RAD51B: variants seen among roughly 807,000 people sequenced by gnomAD.
RAD51B encodes the protein RAD51 paralog B, also known as DNA repair protein RAD51 homolog 2.
Under a neutral mutation model 42.2 loss-of-function variants are expected in RAD51B, and 38 were observed. That is an observed-to-expected ratio of 0.90 (90% confidence interval 0.70 to 1.18). The LOEUF (loss-of-function observed/expected upper bound fraction) is 1.18. Ranked by LOEUF, RAD51B falls within the 50% of genes most tolerant of loss-of-function variation. The probability of loss-of-function intolerance (pLI) is 0.00; values close to 1 mark genes in which losing one functional copy is unlikely to be tolerated. For synonymous variants in RAD51B, 154 were observed against 145.2 expected, an observed-to-expected ratio of 1.06 and a Z score of -0.43; for missense variants, 373 against 400.7, an observed-to-expected ratio of 0.93 and a Z score of 0.59.
chr14:68,020,701 A>G (rs1165086458), intron 7 of RAD51B, among the ~76,000 whole-genome samples: 1 of 152,170 alleles, frequency 6.6e-6, no homozygotes, highest in Non-Finnish European at 1.5e-5. Context: ...AAGACTGTGA[A>G]TATAGGTAAT....
chr14:68,392,203 C>G (rs746172834), intron 8 of RAD51B, among the ~76,000 whole-genome samples: 2 of 152,208 alleles, frequency 1.3e-5, no homozygotes, highest in Non-Finnish European at 2.9e-5. Flanking sequence ...TGGAAAACCA[C>G]CACTACAGGG....
At chr14:68,479,337 G>A (rs986292152), downstream of RAD51B, among the ~76,000 whole-genome samples, 5 of 152,138 alleles carry the variant, frequency 3.3e-5, no homozygotes, top group Admixed American at 6.5e-5. Context: ...TCCAAAATCC[G>A]GCACGTTGGC....
chr14:68,168,402 A>G (rs937399528), intron 7 of RAD51B, among the ~76,000 whole-genome samples: 2 of 152,134 alleles, frequency 1.3e-5, no homozygotes, highest in Admixed American at 6.6e-5. Context: ...TTTCTCGTTT[A>G]CCAACGATCT....
intron 7 of RAD51B, among the ~76,000 whole-genome samples, chr14:67,970,138 T>C (rs1323177975): frequency 6.6e-6 from 1 of 152,194 alleles, no homozygotes; most frequent in African/African-American, 2.4e-5. Flanking sequence ...AGATTATTTC[T>C]GACCCTTAAC....
chr14:68,041,471 A>AT, intron 7 of RAD51B, among the ~76,000 whole-genome samples: 1 of 151,788 alleles, frequency 6.6e-6, no homozygotes, highest in Admixed American at 6.6e-5. Flanking sequence ...CCTTTTGATT[A>AT]TTTTTTCTCT....
intron 10 of RAD51B, among the ~76,000 whole-genome samples, chr14:68,588,510 C>T (rs1450549019): frequency 1.3e-5 from 2 of 152,172 alleles, no homozygotes. Context: ...ATCCAGAGTG[C>T]CCCCAGAGGG....
At chr14:68,583,088 G>T (rs950321750) in intron 10 of RAD51B, among the ~76,000 whole-genome samples, 2 of 152,142 alleles carry the variant, frequency 1.3e-5, no homozygotes, top group African/African-American at 4.8e-5. Flanking sequence ...ACCATGGCAT[G>T]TGTATACCAG....
intron 8 of RAD51B, among the ~76,000 whole-genome samples, chr14:68,321,481 A>G (rs2139765652): frequency 6.6e-6 from 1 of 152,324 alleles, no homozygotes; most frequent in South Asian, 2.1e-4. Flanking sequence ...TAGACTTGGA[A>G]GAGTTCAAAA....
intron 11 of RAD51B, among the ~76,000 whole-genome samples, chr14:68,682,088 C>T (rs767441907): frequency 1.2e-4 from 19 of 152,170 alleles, no homozygotes; most frequent in Non-Finnish European, 2.2e-4. Context: ...GTGCCTTAAA[C>T]TTATGTCATC....
exon 11 of RAD51B, chr14:68,611,053 G>A (rs1566954655): frequency 1.4e-6 from 1 of 703,192 alleles, no homozygotes; most frequent in Non-Finnish European, 2.6e-6. Flanking sequence ...ATGCTGGTCA[G>A]CAGCAGACTC....
intron 7 of RAD51B, among the ~76,000 whole-genome samples, chr14:68,227,448 A>C (rs900439253): frequency 6.6e-6 from 1 of 152,240 alleles, no homozygotes; most frequent in East Asian, 1.9e-4. Flanking sequence ...GTGAAATGGC[A>C]GTAATACTGA....
chr14:68,428,159 T>G (rs2084899689), intron 9 of RAD51B, among the ~76,000 whole-genome samples: 2 of 152,178 alleles, frequency 1.3e-5, no homozygotes, highest in African/African-American at 4.8e-5. Context: ...TTCTGTTCAT[T>G]ATAAATTACC....
intron 10 of RAD51B, among the ~76,000 whole-genome samples, chr14:68,648,714 CAG>C (rs1555434204): frequency 7.2e-6 from 1 of 139,726 alleles, no homozygotes; most frequent in African/African-American, 2.7e-5. Context: ...CACACACACA[CAG>C]GGAAAAACAA....
intron 11 of RAD51B, among the ~76,000 whole-genome samples, chr14:68,668,115 A>G (rs1893070583): frequency 6.6e-6 from 1 of 152,162 alleles, no homozygotes; most frequent in Admixed American, 6.5e-5. Context: ...GCTTCAATGA[A>G]TACCCAGGTG....
intron 7 of RAD51B, among the ~76,000 whole-genome samples, chr14:68,286,037 T>C (rs2081408608): frequency 6.6e-6 from 1 of 152,248 alleles, no homozygotes. Flanking sequence ...ATCTTGACCA[T>C]CTTTCAGTGT....
intron 7 of RAD51B, among the ~76,000 whole-genome samples, chr14:68,237,816 A>G (rs1247300120): frequency 4.2e-5 from 6 of 143,186 alleles, no homozygotes. Flanking sequence ...GCTCACTGCA[A>G]CCTCTGCCTC....
At chr14:68,364,620 C>A (rs918524605) in intron 8 of RAD51B, among the ~76,000 whole-genome samples, 4 of 152,158 alleles carry the variant, frequency 2.6e-5, no homozygotes, top group Non-Finnish European at 4.4e-5. Flanking sequence ...TCACAGGGCG[C>A]TGTGGCAACA....
intron 7 of RAD51B, among the ~76,000 whole-genome samples, chr14:68,004,180 G>T (rs953823440): frequency 3.3e-5 from 5 of 151,774 alleles, no homozygotes; most frequent in Admixed American, 2.6e-4. Flanking sequence ...AATACAAAAA[G>T]AAATTAGCCA....
intron 7 of RAD51B, among the ~76,000 whole-genome samples, chr14:68,127,740 G>A (rs1436803709): frequency 6.6e-6 from 1 of 151,964 alleles, no homozygotes; most frequent in Non-Finnish European, 1.5e-5. Flanking sequence ...CATCATGATA[G>A]GAAGGATATG....
Sources: gnomAD v4.1 joint callset for allele counts (sites outside exome capture counted in the v4.1 genomes callset) on GRCh38, gnomAD v4.1.1 for gene constraint, MANE v1.5 for transcripts, NCBI Gene and HGNC (gene_info 2026-07-23, HGNC 2026-07-21) for gene names.